Variants in GMNN observed in about 807,000 individuals in gnomAD.
The protein encoded by GMNN is geminin DNA replication inhibitor.
In GMNN, 14 loss-of-function variants were observed where a neutral mutation model predicts 20.9. That is an observed-to-expected ratio of 0.67 (90% CI 0.44 to 1.05). The LOEUF (loss-of-function observed/expected upper bound fraction) is 1.05, where lower values mean the gene tolerates loss of function less well. GMNN is among the 50% of genes least tolerant of loss of function. The pLI is 0.00. For synonymous variants in GMNN, 81 were observed against 85.8 expected (o/e 0.94, Z 0.31); for missense variants, 227 against 243.8 (o/e 0.93, Z 0.46).
chr6:24,777,983 T>C (rs2113572355), intron 2 of GMNN, among the ~76,000 whole-genome samples: 1 of 152,358 alleles, frequency 6.6e-6, no homozygotes, highest in East Asian at 1.9e-4. Flanking sequence ...TGATACTTTT[T>C]CAATCCCTAT....
chr6:24,777,369 C>G (rs2113571518), intron 2 of GMNN, 72 bp downstream of exon 2: 1 of 564,592 alleles, frequency 1.8e-6, no homozygotes, highest in African/African-American at 2.0e-5. Context: ...CATAATTTAT[C>G]CAAATTTAGC....
chr6:24,785,509 T>G lies in GMNN; in HGVS notation c.469-129T>G, dbSNP rs1198399146. ...GATATAATACTGTTTATAAATGAAT[T>G]TATTGAGGGGCAAGATGAAAAAAAT... On this transcript the variant is annotated intron_variant, in intron 6 of 6. Transcript: ENST00000230056. 1.8e-5 allele frequency: 9 copies of G among 506,470 alleles called. No individual in the cohort carries two copies. The East Asian group carries it at 2.8e-4, about 16-fold the overall frequency. 31.4% of individuals were successfully genotyped at this position (506,470 alleles called of 1,614,324 possible).
At chr6:24,783,849 T>C (rs748812632) in intron 4 of GMNN, among the ~76,000 whole-genome samples, 23 of 152,096 alleles carry the variant, frequency 1.5e-4, no homozygotes, top group Non-Finnish European at 3.2e-4. Context: ...GCAAAAATCT[T>C]TAATAATCTA....
At chr6:24,779,693 T>C (rs1424353467) in intron 2 of GMNN, among the ~76,000 whole-genome samples, 2 of 152,230 alleles carry the variant, frequency 1.3e-5, no homozygotes, top group Non-Finnish European at 2.9e-5. Flanking sequence ...CTAACCTTGT[T>C]TGAGTATTCA....
chr6:24,782,216 C>T (rs898979270), intron 4 of GMNN, among the ~76,000 whole-genome samples: 1 of 151,628 alleles, frequency 6.6e-6, no homozygotes, highest in Non-Finnish European at 1.5e-5. Flanking sequence ...ATAATGAGTT[C>T]GAGGTATGAA....
At chr6:24,782,033 T>C (rs962931545) in intron 4 of GMNN, among the ~76,000 whole-genome samples, 4 of 151,826 alleles carry the variant, frequency 2.6e-5, no homozygotes, top group Non-Finnish European at 5.9e-5. Context: ...ATAAGCTATG[T>C]ATGATAGCAC....
intron 4 of GMNN, among the ~76,000 whole-genome samples, 155 bp downstream of exon 4, chr6:24,781,776 C>A (rs1780228229): frequency 6.6e-6 from 1 of 152,046 alleles, no homozygotes; most frequent in Non-Finnish European, 1.5e-5. Context: ...TTGACAAGAT[C>A]CATGTGTGGA....
rs2113566421 is a variant in GMNN at position 24,775,012 on chromosome 6, C to T, written c.-258C>T. On this transcript the variant is annotated 5_prime_UTR_variant, in exon 1 of 7. Coordinates refer to ENST00000230056, the MANE Select transcript of GMNN (RefSeq NM_015895.5). ...TTTACTGCAGAGCGCGCCGGGCACT[C>T]CAGCGACCGTGGGGATCAGCGTAGG... 6.6e-6 allele frequency: 1 copy of T among 152,520 alleles called. No individual in the cohort carries two copies. Among genetic ancestry groups the T allele is most frequent in the South Asian group, 2.1e-4 (1 of 4,830 alleles). The allele number at this position is 152,520 out of a possible 1,614,324, so 9.4% of individuals were successfully genotyped here.
intron 5 of GMNN, 64 bp from the exon 6 acceptor site, chr6:24,784,380 G>T: frequency 2.5e-6 from 2 of 786,540 alleles, no homozygotes; most frequent in Admixed American, 1.8e-5. Context: ...ATACTTGGAG[G>T]TATGTAATTT....
chr6:24,781,099 A>G (rs926228344), intron 3 of GMNN, among the ~76,000 whole-genome samples: 16 of 152,090 alleles, frequency 1.1e-4, no homozygotes, highest in African/African-American at 3.9e-4. Flanking sequence ...GCTGCTTGGG[A>G]GGCTTGAGGC....
chr6:24,784,334 G>T, intron 5 of GMNN, 110 bp from the exon 6 acceptor site: 2 of 693,630 alleles, frequency 2.9e-6, no homozygotes, highest in South Asian at 1.7e-5. Context: ...CCGTTGTGTT[G>T]AGAGTCAATT....
In GMNN at chr6:24,780,713, T is replaced by C; in HGVS notation, c.102T>C (p.Ser34=). ...RTLKMIQPSA[S]GSLVGRENEL... ...TGAAGATGATTCAGCCTTCTGCATC[T>C]GGATCTCTTGTTGGAAGAGAAAATG... is the stretch of plus-strand genomic sequence containing the variant. Residue 34 remains serine, a synonymous_variant, in exon 3 of 7, where the codon TCT becomes TCC. Coordinates refer to ENST00000230056, the MANE Select transcript of GMNN (RefSeq NM_015895.5). 1.9e-6 allele frequency: 3 copies of C among 1,592,658 alleles called. No individual in the cohort carries two copies. Among genetic ancestry groups the C allele is most frequent in the Non-Finnish European group, 2.6e-6 (3 of 1,160,550 alleles).
rs1166561856 is a variant in GMNN at position 24,785,627 on chromosome 6, T to G, written c.469-11T>G. ...ATTTTTACAATAAATTATTGGTTTA[T>G]TCTTTAAAAGAGACTGAATGGTGAA... On this transcript the variant is annotated splice_polypyrimidine_tract_variant and intron_variant, in intron 6 of 6. Transcript: ENST00000230056. 1.4e-6 allele frequency: 2 copies of G among 1,379,652 alleles called. No homozygotes were observed. Among genetic ancestry groups the G allele is most frequent in the Non-Finnish European group, 2.0e-6 (2 of 989,026 alleles). 85.5% of individuals were successfully genotyped at this position (1,379,652 alleles called of 1,614,324 possible).
At chr6:24,785,173 T>G (rs923424205) in intron 6 of GMNN, among the ~76,000 whole-genome samples, 6 of 152,200 alleles carry the variant, frequency 3.9e-5, no homozygotes, top group African/African-American at 1.2e-4. Context: ...CAAAAAGTTT[T>G]TCTTGCTGAT....
intron 2 of GMNN, among the ~76,000 whole-genome samples, 192 bp from the exon 3 acceptor site, chr6:24,780,471 G>C (rs1229222467): frequency 6.6e-6 from 1 of 152,192 alleles, no homozygotes; most frequent in Non-Finnish European, 1.5e-5. Context: ...TTTGTCAGTT[G>C]ATTAAACCAG....
At chr6:24,784,960 C>T (rs1304013527) in intron 6 of GMNN, among the ~76,000 whole-genome samples, 1 of 152,056 alleles carries the variant, frequency 6.6e-6, no homozygotes, top group Non-Finnish European at 1.5e-5. Flanking sequence ...ATAGTTGACA[C>T]ATTTTAGATA....
intron 5 of GMNN, 88 bp downstream of exon 5, chr6:24,784,257 G>A (rs1328211904): frequency 1.3e-6 from 1 of 769,460 alleles, no homozygotes; most frequent in East Asian, 2.5e-5. Flanking sequence ...ATATGGGCTA[G>A]CTTTAGTATT....
chr6:24,781,536 C>T lies in GMNN; in HGVS notation c.189C>T (p.Ser63=). 3 of 1,586,212 alleles carry T rather than the reference C, an allele frequency of 1.9e-6. No individual in the cohort carries two copies. The highest frequency in any genetic ancestry group is 2.6e-6 in the Non-Finnish European group (3 of 1,159,386). ...HRNDHLTSTT[S]SPGVIVPESS... is the part of the protein sequence containing the mutation. ...ATGACCACTTAACATCTACAACTTC[C>T]AGCCCTGGGGTTATTGTCCCAGAAT... is the stretch of plus-strand genomic sequence containing the variant. Residue 63 remains serine (S), a synonymous_variant, in exon 4 of 7, where the codon TCC becomes TCT. Coordinates refer to ENST00000230056, the MANE Select transcript of GMNN (RefSeq NM_015895.5).
chr6:24,780,141 TG>T (rs1353683400), intron 2 of GMNN, among the ~76,000 whole-genome samples: 4 of 152,304 alleles, frequency 2.6e-5, no homozygotes, highest in Admixed American at 2.0e-4. Context: ...ACCTGTTTGG[TG>T]AGTTCATACC....
Sources: gnomAD v4.1 joint callset for allele counts (sites outside exome capture counted in the v4.1 genomes callset) on GRCh38, gnomAD v4.1.1 for gene constraint, MANE v1.5 for transcripts, NCBI Gene and HGNC (gene_info 2026-07-23, HGNC 2026-07-21) for gene names.